Variants in JAKMIP3 observed in about 807,000 individuals in gnomAD.
The protein encoded by JAKMIP3 is janus kinase and microtubule-interacting protein 3.
JAKMIP3 carries 58 observed loss-of-function variants against 118.5 expected under a neutral mutation model. The observed-to-expected ratio is 0.49, with a 90% CI of 0.40 to 0.61. JAKMIP3 has a LOEUF of 0.61. Ranked by LOEUF, JAKMIP3 falls within the 20% of genes least tolerant of loss-of-function variation. JAKMIP3 has a pLI of 0.00. For synonymous variants in JAKMIP3, 486 were observed against 451.2 expected (o/e 1.08, Z -0.98); for missense variants, 950 against 1,109.0 (o/e 0.86, Z 2.04).
intron 19 of JAKMIP3, among the ~76,000 whole-genome samples, chr10:132,159,218 G>T (rs2057494962): frequency 1.1e-5 from 1 of 94,120 alleles, no homozygotes; most frequent in Non-Finnish European, 2.1e-5. Flanking sequence ...TGCTGTGGGG[G>T]CATCTCTCCC....
chr10:132,105,091 GGGGGT>G, intron 2 of JAKMIP3, 148 bp downstream of exon 2: 1 of 955,642 alleles, frequency 1.0e-6, no homozygotes, highest in Non-Finnish European at 1.5e-6. Flanking sequence ...CCACTTGGTG[GGGGGT>G]GGGGCGGCAG....
At position 132,180,630 on chromosome 10, in the gene JAKMIP3, T is replaced by C. The variant is rs1434742534; in HGVS notation, c.*1104-1727T>C. On this transcript the variant is annotated intron_variant, in intron 23 of 23. Transcript: ENST00000684848. ...GTGTGTGTGTGCGTGTGTGTGCGTGTGTGCGTGCGTGTGTGCGTGTGCGTG... is the reference window on the plus strand; with the variant it reads ...GTGTGTGTGTGCGTGTGTGTGCGTGCGTGCGTGCGTGTGTGCGTGTGCGTG... 0.015 allele frequency among the ~76,000 whole-genome samples: 541 copies of C among 37,086 alleles called. 120 individuals carry two copies. The East Asian group carries it at 0.38, about 26-fold the overall frequency. 24.3% of individuals were successfully genotyped at this position (37,086 alleles called of 152,430 possible).
chr10:132,054,987 G>A (rs1167783393), intron 1 of JAKMIP3, among the ~76,000 whole-genome samples: 1 of 151,652 alleles, frequency 6.6e-6, no homozygotes, highest in Admixed American at 6.6e-5. Context: ...CCCTCCGCTT[G>A]GGGATAGTGA....
chr10:132,105,025 T>C (rs1453833647), intron 2 of JAKMIP3, 82 bp downstream of exon 2: 43 of 1,475,744 alleles, frequency 2.9e-5, no homozygotes, highest in Non-Finnish European at 3.9e-5. Flanking sequence ...CTGGAGTGGG[T>C]TTGGCCAGAT....
intron 16 of JAKMIP3, among the ~76,000 whole-genome samples, chr10:132,150,696 C>T (rs1271361543): frequency 2.0e-5 from 3 of 152,034 alleles, no homozygotes; most frequent in Non-Finnish European, 4.4e-5. Context: ...ATCCGTCCTC[C>T]ATAATCCATC....
At chr10:132,149,566 C>T in intron 15 of JAKMIP3, 56 bp downstream of exon 15, 1 of 696,482 alleles carries the variant, frequency 1.4e-6, no homozygotes, top group Admixed American at 2.9e-5. Flanking sequence ...CCCCGCCCCA[C>T]CCCCTCTCCG....
At chr10:132,064,911 G>A (rs147399411), upstream of JAKMIP3, among the ~76,000 whole-genome samples, 48 of 152,252 alleles carry the variant, frequency 3.2e-4, no homozygotes, top group East Asian at 7.2e-3. The surrounding 1 kb of genome is among the most constrained non-coding windows in gnomAD (Gnocchi z 4.4). Flanking sequence ...AGTGACATTT[G>A]GCCTTGACTA....
At chr10:132,098,528 G>A (rs2044331824) in intron 1 of JAKMIP3, among the ~76,000 whole-genome samples, 2 of 152,254 alleles carry the variant, frequency 1.3e-5, no homozygotes, top group Non-Finnish European at 2.9e-5. Flanking sequence ...GTTGTGGGAT[G>A]AAATGGTCTC....
chr10:132,136,113 A>C (rs751033375), intron 6 of JAKMIP3, 37 bp downstream of exon 6: 1 of 1,605,658 alleles, frequency 6.2e-7, no homozygotes, highest in East Asian at 2.2e-5. Context: ...CCACGGTCGC[A>C]CCCGAGCTCC....
At chr10:132,180,692 CGTGCGTGTGT>C (rs1565020784) in intron 23 of JAKMIP3, among the ~76,000 whole-genome samples, 2 of 11,268 alleles carry the variant, frequency 1.8e-4, no homozygotes, top group East Asian at 4.8e-3. Flanking sequence ...CGTGTGTGTG[CGTGCGTGTGT>C]GTGTGCGCGT....
chr10:132,059,963 C>T (rs145111883), upstream of JAKMIP3, among the ~76,000 whole-genome samples: 210 of 152,294 alleles, frequency 1.4e-3, no homozygotes, highest in Non-Finnish European at 2.0e-3. Flanking sequence ...GCCACAGCTG[C>T]TGGGTTGGGC....
chr10:132,110,243 A>C (rs2046653058), intron 2 of JAKMIP3, among the ~76,000 whole-genome samples: 1 of 152,246 alleles, frequency 6.6e-6, no homozygotes, highest in Non-Finnish European at 1.5e-5. Context: ...AAGCTCCCAC[A>C]GCCCACTGGT....
rs2058714084 is a variant in JAKMIP3 at position 132,164,683 on chromosome 10, T to C, written c.2438T>C (p.Leu813Ser). The C allele has an allele frequency of 6.3e-7, 1 of 1,592,486 alleles. No homozygotes were observed. Among genetic ancestry groups the C allele is most frequent in the Non-Finnish European group, 8.6e-7 (1 of 1,160,550 alleles). Residue 813 changes from leucine to serine, a missense_variant, in exon 21 of 24, where the codon TTA (leucine) becomes TCA (serine). Coordinates refer to ENST00000684848, the MANE Select transcript of JAKMIP3 (RefSeq NM_001323087.2). ...TTAATCTTGCAGAGAATTAAAGAGT[T>C]AGAAGAAAGAATAGAAGCTCAGAAG... ...LQLAQQRIKELEERIEAQKRQ... is the reference protein window; with the variant it reads ...LQLAQQRIKESEERIEAQKRQ...
At chr10:132,082,169 TGGG>T (rs10600838) in intron 1 of JAKMIP3, among the ~76,000 whole-genome samples, 34 of 146,852 alleles carry the variant, frequency 2.3e-4, no homozygotes, top group African/African-American at 6.7e-4. Context: ...ATTGTTTGTT[TGGG>T]GGGGGGGGCT....
chr10:132,084,082 G>A (rs1157525438), intron 1 of JAKMIP3, among the ~76,000 whole-genome samples: 17 of 152,212 alleles, frequency 1.1e-4, no homozygotes, highest in Non-Finnish European at 2.5e-4. Context: ...AATGATGGTG[G>A]TATTTTGATG....
intron 19 of JAKMIP3, among the ~76,000 whole-genome samples, chr10:132,159,921 GGGGGGGGGTCTCCCTGTGTGATGCT>G (rs2057844042): frequency 5.5e-5 from 1 of 18,128 alleles, no homozygotes; most frequent in African/African-American, 2.6e-4. Context: ...GTGTGATGCT[GGGGGGGGGTCTCCCTGTGTGATGCT>G]GGGGGGGCCT....
At chr10:132,094,575 C>T (rs980011086) in intron 1 of JAKMIP3, among the ~76,000 whole-genome samples, 2 of 152,106 alleles carry the variant, frequency 1.3e-5, no homozygotes, top group African/African-American at 4.8e-5. Context: ...TGGGCTGGTA[C>T]TGGGGGTTGT....
chr10:132,084,101 A>G (rs2042102355), intron 1 of JAKMIP3, among the ~76,000 whole-genome samples: 1 of 152,076 alleles, frequency 6.6e-6, no homozygotes. Flanking sequence ...TGGGAATTGC[A>G]TTGAATTTGT....
chr10:132,111,194 C>T (rs1362596820), intron 2 of JAKMIP3, among the ~76,000 whole-genome samples: 1 of 152,206 alleles, frequency 6.6e-6, no homozygotes, highest in Non-Finnish European at 1.5e-5. Context: ...GCCTCCTGCC[C>T]CCACAGGAAA....
Sources: allele counts gnomAD v4.1 joint callset (sites outside exome capture counted in the v4.1 genomes callset), GRCh38; gene constraint gnomAD v4.1.1; non-coding constraint Gnocchi (gnomAD v3.1); transcripts MANE v1.5; gene names NCBI Gene and HGNC (gene_info 2026-07-23, HGNC 2026-07-21).